PACRG: variants seen among roughly 807,000 people sequenced by gnomAD.
PACRG encodes parkin coregulated, also known as parkin coregulated gene protein.
A neutral mutation model predicts 29.7 loss-of-function variants in PACRG; 29 were observed. The observed-to-expected ratio is 0.98, with a 90% CI of 0.73 to 1.33. The LOEUF is 1.33. Among genes scored for constraint, PACRG ranks in the 40% most tolerant of loss-of-function variants. The probability of loss-of-function intolerance (pLI) is 0.00; values close to 1 mark genes in which losing one functional copy is unlikely to be tolerated. For synonymous variants in PACRG, 116 were observed against 118.7 expected (o/e 0.98, Z 0.15); for missense variants, 279 against 316.2 (o/e 0.88, Z 0.89).
intron 2 of PACRG, among the ~76,000 whole-genome samples, chr6:163,014,781 T>C (rs1343693537): frequency 1.3e-5 from 2 of 152,206 alleles, no homozygotes; most frequent in African/African-American, 4.8e-5. Context: ...GCAAATATCT[T>C]CTTCCATTCT....
intron 2 of PACRG, among the ~76,000 whole-genome samples, chr6:163,008,446 C>T (rs916146217): frequency 2.0e-5 from 3 of 151,994 alleles, no homozygotes; most frequent in Non-Finnish European, 4.4e-5. Flanking sequence ...TTTCCAGATT[C>T]TCTAAACTCA....
intron 2 of PACRG, among the ~76,000 whole-genome samples, chr6:162,870,614 GCATT>G (rs780568211): frequency 1.1e-4 from 17 of 152,054 alleles, no homozygotes; most frequent in Admixed American, 8.5e-4. Context: ...GTCCACTGTG[GCATT>G]CTTATGCCTT....
chr6:163,089,460 G>A (rs1813899563), intron 4 of PACRG, 52 bp downstream of exon 4: 1 of 1,588,678 alleles, frequency 6.3e-7, no homozygotes, highest in Non-Finnish European at 8.6e-7. Context: ...AAAAGGGAGT[G>A]GTTTGAAGTA....
At chr6:162,985,677 T>G (rs2128177732) in intron 2 of PACRG, among the ~76,000 whole-genome samples, 1 of 152,240 alleles carries the variant, frequency 6.6e-6, no homozygotes, top group South Asian at 2.1e-4. Flanking sequence ...ACCACTGCTA[T>G]TCAACATAGT....
In PACRG at chr6:162,814,203, A is replaced by G. The variant is rs142680257; in HGVS notation, c.213A>G (p.Ala71=). 595 of 1,613,858 alleles carry G rather than the reference A, an allele frequency of 3.7e-4. 3 individuals carry two copies. Among genetic ancestry groups the G allele is most frequent in the Non-Finnish European group, 3.4e-4 (402 of 1,179,886 alleles). ...AFKERPTKPT[A]FRKFYERGDF... ...AAGAAAGACCAACCAAGCCCACAGC[A>G]TTTCGAAAATTCTATGAGCGAGGTG... Residue 71 remains alanine (A), a synonymous_variant, in exon 2 of 5, where the codon GCA becomes GCG. Transcript: ENST00000366888.
intron 2 of PACRG, among the ~76,000 whole-genome samples, chr6:162,906,120 A>G (rs1186846175): frequency 6.6e-6 from 1 of 152,214 alleles, no homozygotes; most frequent in Non-Finnish European, 1.5e-5. Flanking sequence ...TTCTTCATGG[A>G]GATGTATTAA....
At chr6:162,913,089 G>T (rs761616317) in intron 2 of PACRG, among the ~76,000 whole-genome samples, 1 of 152,118 alleles carries the variant, frequency 6.6e-6, no homozygotes, top group Non-Finnish European at 1.5e-5. Context: ...GCTTATTTGT[G>T]TGTTCACATT....
intron 4 of PACRG, among the ~76,000 whole-genome samples, chr6:163,231,389 A>G (rs1377871587): frequency 1.3e-5 from 2 of 152,028 alleles, no homozygotes; most frequent in Non-Finnish European, 2.9e-5. Flanking sequence ...CCCTGCCCAT[A>G]CCCTTTATAA....
intron 2 of PACRG, among the ~76,000 whole-genome samples, chr6:162,928,427 G>GT (rs1204909999): frequency 1.3e-5 from 2 of 151,152 alleles, no homozygotes; most frequent in South Asian, 2.1e-4. Context: ...CTAGCTAATG[G>GT]TTTTTTTCAT....
chr6:163,157,561 G>T (rs1409977817), intron 4 of PACRG, among the ~76,000 whole-genome samples: 2 of 152,188 alleles, frequency 1.3e-5, no homozygotes. Context: ...AGTTGGATGG[G>T]CAGATGAACG....
chr6:163,158,730 A>AAAT (rs746393287), intron 4 of PACRG, among the ~76,000 whole-genome samples: 64 of 152,210 alleles, frequency 4.2e-4, no homozygotes, highest in South Asian at 1.4e-3. Flanking sequence ...CATTACTAGG[A>AAAT]AATAATATTG....
intron 2 of PACRG, among the ~76,000 whole-genome samples, chr6:163,033,484 T>C (rs1247040412): frequency 6.6e-6 from 1 of 152,254 alleles, no homozygotes; most frequent in African/African-American, 2.4e-5. Context: ...AAGATATTTT[T>C]ATTTTATGAA....
chr6:163,198,216 T>C (rs1229210298), intron 4 of PACRG, among the ~76,000 whole-genome samples: 1 of 152,244 alleles, frequency 6.6e-6, no homozygotes, highest in African/African-American at 2.4e-5. Context: ...ATTTTTAATA[T>C]AGTCTGCATC....
chr6:163,238,549 A>G (rs1782337049), intron 4 of PACRG, among the ~76,000 whole-genome samples: 1 of 152,216 alleles, frequency 6.6e-6, no homozygotes, highest in African/African-American at 2.4e-5. Context: ...GTGATTTGAC[A>G]TTGGCATAGA....
At chr6:163,213,306 G>GT (rs1554229337) in intron 4 of PACRG, among the ~76,000 whole-genome samples, 8 of 148,916 alleles carry the variant, frequency 5.4e-5, no homozygotes, top group Non-Finnish European at 1.0e-4. Context: ...GAAAGTCAAG[G>GT]AAAAAAAAAA....
chr6:163,069,267 A>T (rs542720133), intron 3 of PACRG, among the ~76,000 whole-genome samples: 2 of 148,554 alleles, frequency 1.3e-5, no homozygotes, highest in Non-Finnish European at 3.0e-5. Context: ...AAGACCATCC[A>T]GGAAAACATG....
chr6:163,204,569 A>G (rs1317862665), intron 4 of PACRG, among the ~76,000 whole-genome samples: 1 of 152,194 alleles, frequency 6.6e-6, no homozygotes, highest in Non-Finnish European at 1.5e-5. Flanking sequence ...TGAAAGATCT[A>G]GAAACGAGGA....
chr6:163,172,774 T>C (rs1779150325), intron 4 of PACRG, among the ~76,000 whole-genome samples: 1 of 152,234 alleles, frequency 6.6e-6, no homozygotes, highest in Admixed American at 6.5e-5. Flanking sequence ...GGTGTGCCAA[T>C]TAGGTTTTAA....
At chr6:163,184,799 GAC>G (rs1265642939) in intron 4 of PACRG, 1 of 152,120 alleles carries the variant, frequency 6.6e-6, no homozygotes, top group Admixed American at 6.5e-5. Flanking sequence ...GGCACCCAGA[GAC>G]ACAAAAAGAG....
Sources: gnomAD v4.1 joint callset for allele counts (sites outside exome capture counted in the v4.1 genomes callset) on GRCh38, gnomAD v4.1.1 for gene constraint, MANE v1.5 for transcripts, NCBI Gene and HGNC (gene_info 2026-07-23, HGNC 2026-07-21) for gene names.